Variants in BRINP3 observed in about 807,000 individuals in gnomAD.
BRINP3 encodes BMP/retinoic acid inducible neural specific 3.
A neutral mutation model predicts 71.0 loss-of-function variants in BRINP3; 19 were observed. The observed-to-expected ratio is 0.27, with a 90% CI of 0.19 to 0.39. The LOEUF (loss-of-function observed/expected upper bound fraction) is 0.39. BRINP3 is among the 10% of genes least tolerant of loss of function. BRINP3 has a pLI of 1.00. For missense variants in BRINP3, 959 were observed against 940.8 expected (o/e 1.02, Z -0.25); for synonymous variants, 380 against 337.7 (o/e 1.13, Z -1.37).
intron 2 of BRINP3, among the ~76,000 whole-genome samples, chr1:190,426,244 C>T (rs533378501): frequency 3.3e-5 from 5 of 151,676 alleles, no homozygotes; most frequent in Non-Finnish European, 5.9e-5. Flanking sequence ...CATGCAAATA[C>T]TATGCCATTT....
intron 2 of BRINP3, among the ~76,000 whole-genome samples, chr1:190,408,198 TA>T (rs1484425805): frequency 3.8e-4 from 19 of 49,582 alleles, no homozygotes; most frequent in Admixed American, 1.3e-3. Context: ...ATTATTTATT[TA>T]TTTATTTTTT....
intron 2 of BRINP3, among the ~76,000 whole-genome samples, chr1:190,312,558 A>T (rs1175487381): frequency 6.6e-6 from 1 of 151,680 alleles, no homozygotes; most frequent in Non-Finnish European, 1.5e-5. Flanking sequence ...GCCTCAAAAT[A>T]GGAAATGAAA....
chr1:190,149,432 T>C (rs1656189617), intron 7 of BRINP3, among the ~76,000 whole-genome samples: 1 of 152,202 alleles, frequency 6.6e-6, no homozygotes, highest in Non-Finnish European at 1.5e-5. Context: ...TTTAATAATT[T>C]CAGGTAGTGA....
At chr1:190,434,233 C>T (rs562774382) in intron 2 of BRINP3, among the ~76,000 whole-genome samples, 15 of 152,098 alleles carry the variant, frequency 9.9e-5, no homozygotes, top group African/African-American at 2.9e-4. Context: ...CACCAGCCTC[C>T]GGAACAGCTG....
At chr1:190,236,960 T>C (rs1057036102) in intron 4 of BRINP3, among the ~76,000 whole-genome samples, 1 of 151,890 alleles carries the variant, frequency 6.6e-6, no homozygotes, top group African/African-American at 2.4e-5. Context: ...GACATAGTGA[T>C]CTTGGAAAAG....
chr1:190,156,739 A>G (rs952948031), intron 7 of BRINP3, among the ~76,000 whole-genome samples: 1 of 152,096 alleles, frequency 6.6e-6, no homozygotes, highest in African/African-American at 2.4e-5. Flanking sequence ...GGAAGTCAAG[A>G]AAATTCTGTG....
chr1:190,442,906 C>CTT (rs757648847), intron 2 of BRINP3, among the ~76,000 whole-genome samples: 1,093 of 101,558 alleles, frequency 0.011, 23 homozygotes, highest in Middle Eastern at 0.04. Context: ...GTCTCTGTAT[C>CTT]TTTTTTTTTT....
chr1:190,296,084 G>C (rs900080571), intron 2 of BRINP3, among the ~76,000 whole-genome samples: 1 of 146,870 alleles, frequency 6.8e-6, no homozygotes, highest in Middle Eastern at 3.4e-3. Flanking sequence ...TTTGGGGGGG[G>C]GCTGGGCTTT....
chr1:190,412,844 G>A (rs1243751600), intron 2 of BRINP3, among the ~76,000 whole-genome samples: 1 of 152,004 alleles, frequency 6.6e-6, no homozygotes, highest in African/African-American at 2.4e-5. Flanking sequence ...AATGCATAAT[G>A]TGGGTTAAAA....
At position 190,353,271 on chromosome 1, in the gene BRINP3, A is replaced by G. The variant is rs545276374; in HGVS notation, c.237-71521T>C. Among the ~76,000 whole-genome samples, 68 of 152,136 alleles carry G rather than the reference A, an allele frequency of 4.5e-4. 1 individual carries two copies. The South Asian group carries it at 5.8e-3, about 13-fold the overall frequency. The stretch of plus-strand genomic sequence containing the variant: ...AAAATTCACAAAATGAAGAGCCAAA[A>G]GGTTACCATCTTTTAGTATTCCTCA... On this transcript the variant is annotated intron_variant, in intron 2 of 7. Coordinates refer to ENST00000367462, the MANE Select transcript of BRINP3 (RefSeq NM_199051.3).
At chr1:190,458,126 G>A (rs767047594) in intron 1 of BRINP3, among the ~76,000 whole-genome samples, 3 of 151,894 alleles carry the variant, frequency 2.0e-5, no homozygotes, top group African/African-American at 7.2e-5. Flanking sequence ...CACATAATTC[G>A]GGGGTTTAAT....
intron 2 of BRINP3, among the ~76,000 whole-genome samples, chr1:190,281,985 T>A (rs1278928661): frequency 1.3e-5 from 2 of 151,780 alleles, no homozygotes; most frequent in Admixed American, 6.6e-5. Flanking sequence ...TCCACTGAGA[T>A]TTTTTTCCCC....
At chr1:190,163,722 T>C (rs1397122299) in intron 6 of BRINP3, among the ~76,000 whole-genome samples, 1 of 152,078 alleles carries the variant, frequency 6.6e-6, no homozygotes, top group Non-Finnish European at 1.5e-5. Context: ...ATGTTAACTC[T>C]CTGGACTACT....
intron 4 of BRINP3, among the ~76,000 whole-genome samples, chr1:190,235,914 T>C (rs972290159): frequency 2.6e-5 from 4 of 151,948 alleles, no homozygotes; most frequent in Non-Finnish European, 4.4e-5. Flanking sequence ...CTCACTAGAA[T>C]GAGAGCTCCA....
Position 190,469,718 on chromosome 1 carries a change from T to C in BRINP3, c.-51+7730A>G, listed in dbSNP as rs1013627701. 2.0e-5 allele frequency among the ~76,000 whole-genome samples: 3 copies of C among 151,044 alleles called. 1 individual carries two copies. Among genetic ancestry groups the C allele is most frequent in the Admixed American group, 1.3e-4 (2 of 15,140 alleles). The stretch of plus-strand genomic sequence containing the variant: ...CCTGATTTTATTAATTTTTGTTCTA[T>C]ATTTAGTTTAGCTATAACAGAAGGG... On this transcript the variant is annotated intron_variant, in intron 1 of 7. Coordinates refer to ENST00000367462, the MANE Select transcript of BRINP3 (RefSeq NM_199051.3).
Position 190,333,749 on chromosome 1 carries a change from A to G in BRINP3, c.237-51999T>C, listed in dbSNP as rs568992165. Among the ~76,000 whole-genome samples the G allele has an allele frequency of 8.5e-5, 13 of 152,074 alleles. No homozygotes were observed. The South Asian group carries it at 2.7e-3, about 31-fold the overall frequency. On this transcript the variant is annotated intron_variant, in intron 2 of 7. Transcript: ENST00000367462. Reference sequence around the variant, plus strand: ...TAATTGATTACCAACATCTACTTAAACATTTCCTGGGAAAAGGAGTTCAAT... The same window carrying G: ...TAATTGATTACCAACATCTACTTAAGCATTTCCTGGGAAAAGGAGTTCAAT...
intron 2 of BRINP3, among the ~76,000 whole-genome samples, chr1:190,392,900 CTTAAT>C (rs1671338891): frequency 6.6e-6 from 1 of 151,650 alleles, no homozygotes; most frequent in East Asian, 1.9e-4. Context: ...TTGTTTAAAT[CTTAAT>C]TTAAGTTGCT....
intron 1 of BRINP3, chr1:190,474,276 A>G (rs553321676): frequency 2.0e-5 from 3 of 152,580 alleles, no homozygotes; most frequent in African/African-American, 7.2e-5. Flanking sequence ...GTGAATGTGA[A>G]TATTAAGAAG....
At chr1:190,117,470 T>C (rs1653244080) in intron 7 of BRINP3, among the ~76,000 whole-genome samples, 1 of 151,964 alleles carries the variant, frequency 6.6e-6, no homozygotes, top group Non-Finnish European at 1.5e-5. Flanking sequence ...ACCCAGGTAT[T>C]TTTTAGCTAG....
Sources: gnomAD v4.1 joint callset for allele counts (sites outside exome capture counted in the v4.1 genomes callset) on GRCh38, gnomAD v4.1.1 for gene constraint, MANE v1.5 for transcripts, NCBI Gene and HGNC (gene_info 2026-07-23, HGNC 2026-07-21) for gene names.